NME7: variants seen among roughly 807,000 people sequenced by gnomAD.
The protein encoded by NME7 is nucleoside diphosphate kinase 7.
NME7 carries 41 observed loss-of-function variants against 49.1 expected under a neutral mutation model. The ratio of observed to expected loss-of-function variants is 0.83; its 90% CI spans 0.65 to 1.08. The LOEUF (loss-of-function observed/expected upper bound fraction) is 1.08, where lower values mean the gene tolerates loss of function less well. NME7 is among the 50% of genes least tolerant of loss of function. The probability of loss-of-function intolerance (pLI) is 0.00; values close to 1 mark genes in which losing one functional copy is unlikely to be tolerated. For synonymous variants in NME7, 139 were observed against 150.6 expected, an observed-to-expected ratio of 0.92 and a Z score of 0.56; for missense variants, 423 against 463.4, an observed-to-expected ratio of 0.91 and a Z score of 0.80.
chr1:169,289,171 T>G (rs1650398435), intron 6 of NME7, among the ~76,000 whole-genome samples: 1 of 152,136 alleles, frequency 6.6e-6, no homozygotes. Flanking sequence ...TCACCTTACC[T>G]GACCAACAGT....
At position 169,262,930 on chromosome 1, in the gene NME7, C is replaced by T. The variant is rs1649208811; in HGVS notation, c.754+24373G>A. ...CAACTGCAGCCCCAGTCTGAGGGAGCCCCTTGGACCAGAATAACCAACAAA... is the reference window on the plus strand; with the variant it reads ...CAACTGCAGCCCCAGTCTGAGGGAGTCCCTTGGACCAGAATAACCAACAAA... On this transcript the variant is annotated intron_variant, in intron 7 of 11. Transcript: ENST00000367811. Among the ~76,000 whole-genome samples, 2 of 133,156 alleles carry T rather than the reference C, an allele frequency of 1.5e-5. 1 individual carries two copies. Among genetic ancestry groups the T allele is most frequent in the Non-Finnish European group, 3.5e-5 (2 of 56,678 alleles). The allele number at this position is 133,156 out of a possible 152,430, so 87.4% of individuals were successfully genotyped here.
rs565819537 is a variant in NME7, at chr1:169,274,223, T to A, written c.754+13080A>T. On this transcript the variant is annotated intron_variant, in intron 7 of 11. Transcript: ENST00000367811. Reference sequence around the variant, plus strand: ...GCATTTCTCTGATGGCCAGTGATGATGAGCATTTTTTCATGTGTCTTTTGG... The same window carrying A: ...GCATTTCTCTGATGGCCAGTGATGAAGAGCATTTTTTCATGTGTCTTTTGG... 1.2e-3 allele frequency among the ~76,000 whole-genome samples: 167 copies of A among 134,110 alleles called. 20 individuals are homozygous for A. Among genetic ancestry groups the A allele is most frequent in the African/African-American group, 4.0e-3 (157 of 39,666 alleles). The allele number at this position is 134,110 out of a possible 152,430, so 88.0% of individuals were successfully genotyped here.
At chr1:169,152,551 T>C (rs1658941959) in intron 11 of NME7, among the ~76,000 whole-genome samples, 1 of 152,212 alleles carries the variant, frequency 6.6e-6, no homozygotes, top group Admixed American at 6.5e-5. Flanking sequence ...AAAACTATAT[T>C]GAATGCCTAC....
chr1:169,199,983 C>A (rs936100675), intron 10 of NME7, among the ~76,000 whole-genome samples: 8 of 152,004 alleles, frequency 5.3e-5, no homozygotes, highest in Non-Finnish European at 1.0e-4. Context: ...ATTATTAATT[C>A]ATTCACCTAT....
rs1315074287 is a variant in NME7, at chr1:169,271,270, A to G, written c.754+16033T>C. 1.5e-5 allele frequency among the ~76,000 whole-genome samples: 2 copies of G among 133,628 alleles called. 1 individual carries two copies. Among genetic ancestry groups the G allele is most frequent in the Admixed American group, 1.5e-4 (2 of 13,438 alleles). 87.7% of individuals were successfully genotyped at this position (133,628 alleles called of 152,430 possible). ...ACTTGTGCCAAGAAGTTTCTTGCCC[A>G]GAAAGATAAGGCAGTAAATCAGTAA... On this transcript the variant is annotated intron_variant, in intron 7 of 11. Coordinates refer to ENST00000367811, the MANE Select transcript of NME7 (RefSeq NM_013330.5).
chr1:169,352,361 T>C (rs1653208495), intron 1 of NME7, among the ~76,000 whole-genome samples: 1 of 152,096 alleles, frequency 6.6e-6, no homozygotes, highest in Non-Finnish European at 1.5e-5. Context: ...CGAAAAAGCA[T>C]TTGATAAAAT....
At chr1:169,220,123 G>A (rs1661097202) in intron 10 of NME7, among the ~76,000 whole-genome samples, 1 of 152,074 alleles carries the variant, frequency 6.6e-6, no homozygotes, top group Non-Finnish European at 1.5e-5. Context: ...ATGTTGTTTT[G>A]AGAAGTGGGC....
At chr1:169,205,474 A>G (rs1232817649) in intron 10 of NME7, among the ~76,000 whole-genome samples, 1 of 152,160 alleles carries the variant, frequency 6.6e-6, no homozygotes, top group Non-Finnish European at 1.5e-5. Context: ...TGAGAAAAGT[A>G]AGAAAAATCC....
Position 169,350,289 on chromosome 1 carries a change from A to AAGGAAGGAAGGAAGGAAGGAGC in NME7, c.3+17418_3+17419insGCTCCTTCCTTCCTTCCTTCCT, listed in dbSNP as rs1343344770. Among the ~76,000 whole-genome samples, 77 of 20,630 alleles carry AAGGAAGGAAGGAAGGAAGGAGC rather than the reference A, an allele frequency of 3.7e-3. 1 individual carries two copies. The highest frequency in any genetic ancestry group is 0.012 in the African/African-American group (73 of 5,974). 13.5% of individuals were successfully genotyped at this position (20,630 alleles called of 152,430 possible). A position where few individuals can be genotyped will look rare whatever the true frequency, so the allele number is the denominator to read the frequency against. ...AGGAAGGAAGGAAGGAAGGAAGGAA[A>AAGGAAGGAAGGAAGGAAGGAGC]GAGCCCTGCTCTCAAGGAGCTCACT... On this transcript the variant is annotated intron_variant, in intron 1 of 11. Transcript: ENST00000367811.
intron 1 of NME7, among the ~76,000 whole-genome samples, chr1:169,355,643 G>C (rs1204851029): frequency 6.6e-6 from 1 of 151,622 alleles, no homozygotes; most frequent in African/African-American, 2.4e-5. Flanking sequence ...GACAGCTCTA[G>C]GGCTAGGATT....
At chr1:169,158,234 C>T (rs1451071286) in intron 11 of NME7, among the ~76,000 whole-genome samples, 1 of 152,132 alleles carries the variant, frequency 6.6e-6, no homozygotes, top group Non-Finnish European at 1.5e-5. Context: ...ATCTATACTA[C>T]GTTTTTCCAT....
intron 11 of NME7, among the ~76,000 whole-genome samples, chr1:169,164,557 C>G (rs903965631): frequency 5.9e-5 from 9 of 152,120 alleles, no homozygotes; most frequent in African/African-American, 1.9e-4. Context: ...CCCAGGAGTA[C>G]AGAGCTATTT....
At chr1:169,293,189 G>A (rs537758157) in intron 6 of NME7, among the ~76,000 whole-genome samples, 2 of 151,902 alleles carry the variant, frequency 1.3e-5, no homozygotes, top group African/African-American at 2.4e-5. Context: ...CTAGCTACTT[G>A]GGAGGCTGAG....
At chr1:169,176,573 G>A (rs1659757425) in intron 10 of NME7, among the ~76,000 whole-genome samples, 1 of 152,084 alleles carries the variant, frequency 6.6e-6, no homozygotes, top group African/African-American at 2.4e-5. Flanking sequence ...ATTCAATCCT[G>A]TCTTTTTCAT....
intron 7 of NME7, among the ~76,000 whole-genome samples, chr1:169,278,438 C>A (rs1336629974): frequency 1.3e-5 from 2 of 152,100 alleles, no homozygotes; most frequent in Non-Finnish European, 2.9e-5. Flanking sequence ...TCATTCATTT[C>A]ATCTTCCATC....
chr1:169,350,117 G>A (rs945864439), intron 1 of NME7, among the ~76,000 whole-genome samples: 18 of 151,192 alleles, frequency 1.2e-4, no homozygotes, highest in African/African-American at 4.4e-4. Context: ...ACTTGAACCT[G>A]GAAGGTGGAG....
At chr1:169,223,894 T>C (rs903753306) in intron 10 of NME7, among the ~76,000 whole-genome samples, 15 of 152,212 alleles carry the variant, frequency 9.9e-5, no homozygotes, top group Non-Finnish European at 1.5e-5. Context: ...CATGCCTTCA[T>C]ATCATATCTC....
At chr1:169,302,968 A>G in intron 5 of NME7, 177 bp downstream of exon 5, 3 of 401,470 alleles carry the variant, frequency 7.5e-6, no homozygotes, top group Non-Finnish European at 1.4e-5. Flanking sequence ...AAAATATAGG[A>G]ATTCTTACTT....
At chr1:169,201,555 G>A (rs1379863748) in intron 10 of NME7, among the ~76,000 whole-genome samples, 6 of 152,226 alleles carry the variant, frequency 3.9e-5, no homozygotes, top group East Asian at 1.9e-4. Flanking sequence ...GAATATTTAC[G>A]AGATGGTGAG....
Sources: allele counts gnomAD v4.1 joint callset (sites outside exome capture counted in the v4.1 genomes callset), GRCh38; gene constraint gnomAD v4.1.1; transcripts MANE v1.5; gene names NCBI Gene and HGNC (gene_info 2026-07-23, HGNC 2026-07-21).